TEP1: variants seen among roughly 807,000 people sequenced by gnomAD.
TEP1 encodes telomerase protein component 1.
In TEP1, 241 loss-of-function variants were observed where a neutral mutation model predicts 306.3. The ratio of observed to expected loss-of-function variants is 0.79; its 90% CI spans 0.71 to 0.88. The LOEUF (loss-of-function observed/expected upper bound fraction) is 0.88, where lower values mean the gene tolerates loss of function less well. TEP1 is among the 40% of genes least tolerant of loss of function. TEP1 has a pLI of 0.00. For missense variants in TEP1, 3,051 were observed against 3,276.1 expected, an observed-to-expected ratio of 0.93 and a Z score of 1.68; for synonymous variants, 1,289 against 1,305.5, an observed-to-expected ratio of 0.99 and a Z score of 0.27.
chr14:20,403,159 C>CAAAAA (rs61465318), intron 7 of TEP1, among the ~76,000 whole-genome samples: 25 of 83,114 alleles, frequency 3.0e-4, no homozygotes, highest in Admixed American at 5.7e-4. Flanking sequence ...AACTTCATCT[C>CAAAAA]AAAAAAAAAA....
At position 20,406,362 on chromosome 14, in the gene TEP1, C is replaced by T. The variant is rs1478966278; in HGVS notation, c.606G>A (p.Glu202=). The T allele has an allele frequency of 1.1e-5, 18 of 1,614,072 alleles. No homozygotes were observed. The highest frequency in any genetic ancestry group is 1.5e-5 in the Non-Finnish European group (18 of 1,180,044). ...WFDSEEKKGA[E]TQMPSYSLSL... is the part of the protein sequence containing the mutation. ...TCAGACTATAAGAAGGCATTTGGGTCTCTGCCCCTTTCTTCTCTTCTGAAT... is the reference window on the plus strand; with the variant it reads ...TCAGACTATAAGAAGGCATTTGGGTTTCTGCCCCTTTCTTCTCTTCTGAAT... Residue 202 remains glutamate, a synonymous_variant, in exon 3 of 55, where the codon GAG becomes GAA. Transcript: ENST00000262715.
intron 20 of TEP1, among the ~76,000 whole-genome samples, chr14:20,385,811 T>C (rs1877095170): frequency 6.6e-6 from 1 of 152,162 alleles, no homozygotes; most frequent in Non-Finnish European, 1.5e-5. Context: ...AGAAGGGAGA[T>C]CAGTACCCAG....
At chr14:20,371,426 A>G (rs1371203765) in intron 50 of TEP1, 63 bp downstream of exon 50, 4 of 1,606,144 alleles carry the variant, frequency 2.5e-6, no homozygotes, top group Non-Finnish European at 3.4e-6. Flanking sequence ...CAACCTCAGG[A>G]TAACCACTAA....
At chr14:20,372,685 G>A in intron 49 of TEP1, 48 bp downstream of exon 49, 8 of 1,612,906 alleles carry the variant, frequency 5.0e-6, no homozygotes, top group Non-Finnish European at 6.8e-6. Context: ...AATGCCAGGA[G>A]TGAGGAGACT....
At chr14:20,369,896 T>A in intron 51 of TEP1, 117 bp from the exon 52 acceptor site, 1 of 708,062 alleles carries the variant, frequency 1.4e-6, no homozygotes, top group Non-Finnish European at 2.3e-6. Flanking sequence ...TAACTACAAC[T>A]TAGATACAAT....
In TEP1 at chr14:20,371,280, T is replaced by C. The variant is rs1481729583; in HGVS notation, c.7255A>G (p.Thr2419Ala). Residue 2419 changes from threonine (T) to alanine (A), a missense_variant, in exon 51 of 55, where the codon ACC becomes GCC. By Grantham distance (58) the Thr-to-Ala change is moderately conservative. This residue lies in a region of TEP1 where 1,540 missense variants were observed against 1,705.9 expected (regional missense o/e 0.90). Transcript: ENST00000262715. The stretch of plus-strand genomic sequence containing the variant: ...ACAAATATGCCATACTCCTTGTGGG[T>C]GGACAATATCATAGGATTTTCTGTA... ...SYTENPMILS[T>A]HKEYGIFVLQ... is the part of the protein sequence containing the mutation. 6.2e-7 allele frequency: 1 copy of C among 1,614,156 alleles called. No homozygotes were observed. Among genetic ancestry groups the C allele is most frequent in the East Asian group, 2.2e-5 (1 of 44,882 alleles).
chr14:20,406,895 A>T (rs895627175), intron 2 of TEP1, among the ~76,000 whole-genome samples: 1 of 152,212 alleles, frequency 6.6e-6, no homozygotes, highest in East Asian at 1.9e-4. Context: ...CAAAGCCCTA[A>T]ATCAATGTAA....
At chr14:20,390,831 G>T in intron 14 of TEP1, 73 bp from the exon 15 acceptor site, 3 of 1,613,076 alleles carry the variant, frequency 1.9e-6, no homozygotes, top group Non-Finnish European at 2.5e-6. Flanking sequence ...AGTCTGCTTG[G>T]GAAATCTTCA....
At chr14:20,408,633 G>C (rs1879397569) in intron 1 of TEP1, among the ~76,000 whole-genome samples, 170 bp from the exon 2 acceptor site, 1 of 152,076 alleles carries the variant, frequency 6.6e-6, no homozygotes, top group African/African-American at 2.4e-5. Flanking sequence ...TTCTAAGAGA[G>C]AGGGATAGGG....
At chr14:20,387,854 G>A in intron 18 of TEP1, 51 bp downstream of exon 18, 1 of 1,544,628 alleles carries the variant, frequency 6.5e-7, no homozygotes, top group Non-Finnish European at 8.7e-7. Flanking sequence ...GTTTCCCAAG[G>A]TTTGACTGCA....
Position 20,401,004 on chromosome 14 carries a change from G to A in TEP1, c.1529C>T (p.Ser510Leu), listed in dbSNP as rs4982051. 2.8e-3 allele frequency: 4,502 copies of A among 1,614,202 alleles called. 155 individuals carry two copies. The Admixed American group carries it at 0.065, about 23-fold the overall frequency. The change falls in exon 9 of 55, where the codon TCG becomes TTG. Residue 510 changes from serine to leucine, a missense_variant. By Grantham distance (145) the Ser-to-Leu change is moderately radical. This residue lies in a region of TEP1 where 1,507 missense variants were observed against 1,550.5 expected (regional missense o/e 0.97). Transcript: ENST00000262715. ...RELSLRGNKA[S>L]VWEELIENGK... ...TCTACCAATGAGTTCCTCCCAGACC[G>A]ACGCTTTGTTCCCCCGTAGGCTCAG...
chr14:20,383,796 A>G lies in TEP1; in HGVS notation c.3657T>C (p.Cys1219=), dbSNP rs773742611. The G allele has an allele frequency of 4.3e-6, 7 of 1,610,936 alleles. No homozygotes were observed. Among genetic ancestry groups the G allele is most frequent in the African/African-American group, 1.3e-5 (1 of 75,028 alleles). Reference sequence around the variant, plus strand: ...CTTTTAGTTGGCCACGCAGATAGGTACAGAGGCGTCTGAGCAGAGTGAGGG... The same window carrying G: ...CTTTTAGTTGGCCACGCAGATAGGTGCAGAGGCGTCTGAGCAGAGTGAGGG... ...GLALTLLRRL[C]TYLRGQLKEP... is the part of the protein sequence containing the mutation. The change falls in exon 25 of 55, where the codon TGT becomes TGC. Residue 1219 remains cysteine (C), a synonymous_variant. Coordinates refer to ENST00000262715, the MANE Select transcript of TEP1 (RefSeq NM_007110.5).
chr14:20,369,864 G>A (rs1379880810), intron 51 of TEP1, 85 bp from the exon 52 acceptor site: 2 of 1,076,184 alleles, frequency 1.9e-6, no homozygotes, highest in Admixed American at 2.7e-5. Context: ...GCTCTGGGCT[G>A]GTCAGGAATT....
intron 37 of TEP1, 40 bp downstream of exon 37, chr14:20,378,714 G>GCCACC: frequency 1.2e-6 from 2 of 1,603,826 alleles, no homozygotes; most frequent in East Asian, 4.5e-5. Context: ...GTGAGTCATG[G>GCCACC]CTCAGGGCCA....
chr14:20,382,971 T>C (rs1876724631), intron 27 of TEP1, among the ~76,000 whole-genome samples: 1 of 152,158 alleles, frequency 6.6e-6, no homozygotes, highest in Admixed American at 6.5e-5. Context: ...CGAGAGGCCC[T>C]GGAAAGGCCA....
rs764407558 is a variant in TEP1, at chr14:20,386,443, A to T, written c.2861+4T>A. 126 of 1,595,808 alleles carry T rather than the reference A, an allele frequency of 7.9e-5. No individual in the cohort carries two copies. Among genetic ancestry groups the T allele is most frequent in the South Asian group, 4.3e-4 (39 of 89,756 alleles). ...CCAGCCCCTCTTCTCTGCAGCCCCC[A>T]CACCTGTTCCTACGGGTCTCCTCCT... On this transcript the variant is annotated splice_donor_region_variant and intron_variant, in intron 19 of 54. Coordinates refer to ENST00000262715, the MANE Select transcript of TEP1 (RefSeq NM_007110.5).
intron 9 of TEP1, among the ~76,000 whole-genome samples, chr14:20,397,927 A>G (rs12893533): frequency 0.18 from 27,532 of 151,524 alleles, 3,701 homozygotes; most frequent in African/African-American, 0.35. Context: ...TAATTTTTGT[A>G]TTTTTAGTAG....
Position 20,408,310 on chromosome 14 carries a change from T to C in TEP1, c.130A>G (p.Ile44Val). Residue 44 changes from isoleucine (I) to valine (V), a missense_variant, in exon 2 of 55, where the codon ATC becomes GTC. Ile to Val is a conservative substitution (Grantham distance 29, BLOSUM62 3). Around this residue, in one of 3 missense-constraint regions of TEP1, gnomAD observed 1,507 missense variants for 1,550.5 expected, o/e 0.97. Transcript: ENST00000262715. The part of the protein sequence containing the change: ...LHQHVSTHSD[I>V]LSLKNQCLAT... ...AGGCACTGGTTCTTCAAGGAGAGGATATCTGAGTGGGTAGATACATGCTGA... is the reference window on the plus strand; with the variant it reads ...AGGCACTGGTTCTTCAAGGAGAGGACATCTGAGTGGGTAGATACATGCTGA... 2 of 1,613,514 alleles carry C rather than the reference T, an allele frequency of 1.2e-6. No individual in the cohort carries two copies. Among genetic ancestry groups the C allele is most frequent in the Non-Finnish European group, 8.5e-7 (1 of 1,179,936 alleles).
At chr14:20,372,380 A>ATGTGTGTGTGTGTGTATGTGTGTG (rs1884897758) in intron 49 of TEP1, among the ~76,000 whole-genome samples, 1 of 139,556 alleles carries the variant, frequency 7.2e-6, no homozygotes, top group African/African-American at 2.7e-5. Context: ...GTGTGTGTGT[A>ATGTGTGTGTGTGTGTATGTGTGTG]TGTGTGTGTG....
Sources: gnomAD v4.1 joint callset for allele counts (sites outside exome capture counted in the v4.1 genomes callset) on GRCh38, gnomAD v4.1.1 for gene constraint, gnomAD v4.1.1 regional missense constraint, MANE v1.5 for transcripts, NCBI Gene and HGNC (gene_info 2026-07-23, HGNC 2026-07-21) for gene names.